The following ATP13A2 variants were observed in gnomAD, a reference collection of about 807,000 sequenced individuals.
ATP13A2 encodes ATPase cation transporting 13A2.
Under a neutral mutation model 138.3 loss-of-function variants are expected in ATP13A2, and 83 were observed. That is an observed-to-expected ratio of 0.60 (90% CI 0.50 to 0.72). The LOEUF is 0.72. Ranked by LOEUF, ATP13A2 falls within the 30% of genes least tolerant of loss-of-function variation. The pLI, the probability that ATP13A2 is intolerant of heterozygous loss-of-function variation, is 0.00. For missense variants in ATP13A2, 1,402 were observed against 1,606.4 expected, an observed-to-expected ratio of 0.87 and a Z score of 2.17; for synonymous variants, 663 against 699.0, an observed-to-expected ratio of 0.95 and a Z score of 0.81.
rs201661480 is a variant in ATP13A2 at position 16,997,045 on chromosome 1, G to T, written c.1170C>A (p.His390Gln). 1.2e-6 allele frequency: 2 copies of T among 1,612,860 alleles called. No individual in the cohort carries two copies. ...CTGTGCGGGTCACCACTGCCAGGAC[G>T]TGCGGTCCCACATAGGCCCGGGCCT... The part of the protein sequence containing the change: ...ILQARAYVGP[H>Q]VLAVVTRTGF... Residue 390 changes from histidine (H) to glutamine (Q), a missense_variant, in exon 12 of 29, where the codon CAC becomes CAA. Coordinates refer to ENST00000326735, the MANE Select transcript of ATP13A2 (RefSeq NM_022089.4).
chr1:17,009,954 CCCAG>C (rs1213992253), intron 1 of ATP13A2, among the ~76,000 whole-genome samples: 1 of 152,162 alleles, frequency 6.6e-6, no homozygotes, highest in Non-Finnish European at 1.5e-5. Context: ...TCTGTTTATC[CCCAG>C]CCACAGCCCA....
In ATP13A2 at chr1:16,995,763, C is replaced by T. The variant is rs988056034; in HGVS notation, c.1542+213G>A. On this transcript the variant is annotated intron_variant, in intron 15 of 28. Transcript: ENST00000326735. The surrounding 1 kb of genome is among the most constrained non-coding windows in gnomAD (Gnocchi z 4.1). ...GCCCGGCCCCCCACCAGTTCTTGAA[C>T]ACATGAATACATGATTCTAGACATT... 3.1e-5 allele frequency: 22 copies of T among 704,740 alleles called. No individual in the cohort carries two copies. In the African/African-American group the frequency reaches 3.8e-4, roughly 12 times the overall value. The allele number at this position is 704,740 out of a possible 1,614,324, so 43.7% of individuals were successfully genotyped here. A position where few individuals can be genotyped will look rare whatever the true frequency, so the allele number is the denominator to read the frequency against.
rs2077014012 is a variant in ATP13A2, at chr1:16,993,675, G to A, written c.1703C>T (p.Pro568Leu). The change falls in exon 16 of 29, where the codon CCC (proline) becomes CTC (leucine). Residue 568 changes from proline to leucine, a missense_variant. Physicochemically the swap from Pro to Leu is moderately conservative, Grantham distance 98. Transcript: ENST00000326735. ...CHALSRLQDT[P>L]VGDPMDLKMV... is the part of the protein sequence containing the mutation. Reference sequence around the variant, plus strand: ...CTTCAAGTCCATGGGGTCGCCCACGGGGGTGTCCTGGAGCCGGCTGAGGGC... The same window carrying A: ...CTTCAAGTCCATGGGGTCGCCCACGAGGGTGTCCTGGAGCCGGCTGAGGGC... 1 of 1,596,570 alleles carries A rather than the reference G, an allele frequency of 6.3e-7. No individual in the cohort carries two copies. The highest frequency in any genetic ancestry group is 2.3e-5 in the East Asian group (1 of 44,260).
chr1:17,002,261 G>A, intron 7 of ATP13A2, 35 bp downstream of exon 7: 1 of 1,607,408 alleles, frequency 6.2e-7, no homozygotes, highest in Non-Finnish European at 8.5e-7. Flanking sequence ...AGGAGCCCCA[G>A]TTCTCAGGGC....
At chr1:16,991,075 G>A (rs531123341) in intron 20 of ATP13A2, among the ~76,000 whole-genome samples, 4 of 152,024 alleles carry the variant, frequency 2.6e-5, no homozygotes, top group African/African-American at 9.6e-5. Context: ...TCAGCCTCCC[G>A]AGTAGCTGGG....
At position 16,986,273 on chromosome 1, in the gene ATP13A2, C is replaced by A. The variant is rs777771033; in HGVS notation, c.3491G>T (p.Arg1164Leu). Residue 1164 changes from arginine to leucine, a missense_variant, in exon 29 of 29, where the codon CGA becomes CTA. By Grantham distance (102) the Arg-to-Leu change is moderately radical. Coordinates refer to ENST00000326735, the MANE Select transcript of ATP13A2 (RefSeq NM_022089.4). The surrounding 1 kb of genome is among the most constrained non-coding windows in gnomAD (Gnocchi z 6.9). Reference protein sequence around the residue: ...ASKKRFKQLERELAEQPWPPL... With the variant: ...ASKKRFKQLELELAEQPWPPL... ...CGGCCAGGGCTGCTCGGCCAGCTCTCGTTCCAGCTGCTTGAAGCGCTTCTT... is the reference window on the plus strand; with the variant it reads ...CGGCCAGGGCTGCTCGGCCAGCTCTAGTTCCAGCTGCTTGAAGCGCTTCTT... 1 of 1,606,218 alleles carries A rather than the reference C, an allele frequency of 6.2e-7. No homozygotes were observed. The highest frequency in any genetic ancestry group is 8.5e-7 in the Non-Finnish European group (1 of 1,177,224).
intron 25 of ATP13A2, among the ~76,000 whole-genome samples, 200 bp downstream of exon 25, chr1:16,987,938 T>G (rs2076793433): frequency 6.6e-6 from 1 of 152,078 alleles, no homozygotes; most frequent in Non-Finnish European, 1.5e-5. Context: ...GAGGACCTAG[T>G]GGGTACCAGG....
In ATP13A2 at chr1:16,992,380, C is replaced by T. The variant is rs1440981970; in HGVS notation, c.1868G>A (p.Ser623Asn). The T allele has an allele frequency of 7.4e-6, 12 of 1,613,546 alleles. No homozygotes were observed. Among genetic ancestry groups the T allele is most frequent in the Non-Finnish European group, 1.0e-5 (12 of 1,179,948 alleles). Residue 623 changes from serine to asparagine, a missense_variant, in exon 18 of 29, where the codon AGC (serine) becomes AAC (asparagine). Physicochemically the swap from Ser to Asn is conservative, Grantham distance 46 (BLOSUM62 1). Coordinates refer to ENST00000326735, the MANE Select transcript of ATP13A2 (RefSeq NM_022089.4). The part of the protein sequence containing the change: ...QAMEEPPVPV[S>N]VLHRFPFSSA... Reference sequence around the variant, plus strand: ...AGAGAAGGGGAAGCGGTGGAGGACGCTGACTGGCACCGGGGGCTCCTCCTG... The same window carrying T: ...AGAGAAGGGGAAGCGGTGGAGGACGTTGACTGGCACCGGGGGCTCCTCCTG...
intron 1 of ATP13A2, among the ~76,000 whole-genome samples, chr1:17,005,985 ATTAGCCGGGCGTGGCAGCGCGTGCCTG>A (rs968182700): frequency 1.3e-5 from 2 of 152,102 alleles, no homozygotes; most frequent in African/African-American, 4.8e-5. Flanking sequence ...AATAAAAAAA[ATTAGCCGGGCGTGGCAGCGCGTGCCTG>A]TAATCTCAGC....
chr1:17,002,502 G>A (rs994870554), intron 6 of ATP13A2, 129 bp from the exon 7 acceptor site: 11 of 1,108,158 alleles, frequency 9.9e-6, no homozygotes, highest in African/African-American at 3.1e-5. Flanking sequence ...GCTCCTGGGA[G>A]CAAGTAAGCC....
At chr1:16,988,923 C>T (rs967914463) in intron 23 of ATP13A2, among the ~76,000 whole-genome samples, 2 of 151,002 alleles carry the variant, frequency 1.3e-5, no homozygotes, top group South Asian at 2.1e-4. Flanking sequence ...CATGAGCCAC[C>T]GTGCCCGGCC....
At chr1:16,994,608 G>A (rs1218439695) in intron 15 of ATP13A2, among the ~76,000 whole-genome samples, 3 of 152,144 alleles carry the variant, frequency 2.0e-5, no homozygotes, top group Middle Eastern at 3.4e-3. Context: ...CCAAGTACGC[G>A]TCTGGCTCCT....
At chr1:16,993,862 C>T (rs565178445) in intron 15 of ATP13A2, 27 bp from the exon 16 acceptor site, 59 of 1,528,570 alleles carry the variant, frequency 3.9e-5, no homozygotes, top group Middle Eastern at 2.0e-4. Flanking sequence ...GGTGGGGCAG[C>T]GATGAGTCCT....
rs144207331 is a variant in ATP13A2 at position 16,999,496 on chromosome 1, G to A, written c.1039+515C>T. On this transcript the variant is annotated intron_variant, in intron 11 of 28. Transcript: ENST00000326735. ...CTTTGCACAACTCTGTCCAGGAGGAGTGACTGACAGCCATCTTACAGAAGA... is the reference window on the plus strand; with the variant it reads ...CTTTGCACAACTCTGTCCAGGAGGAATGACTGACAGCCATCTTACAGAAGA... Among the ~76,000 whole-genome samples the A allele has an allele frequency of 1.1e-4, 16 of 152,074 alleles. No individual in the cohort carries two copies. The East Asian group carries it at 3.1e-3, about 29-fold the overall frequency.
In ATP13A2 at chr1:16,993,813, C is replaced by T; in HGVS notation, c.1565G>A (p.Gly522Asp). ...GGGCACCACCCCCATCACGTCTAAG[C>T]CGTCCTCAGTGAGGGTGCCCGTCTG... Reference protein sequence around the residue: ...FDKTGTLTEDGLDVMGVVPLK... With the variant: ...FDKTGTLTEDDLDVMGVVPLK... Residue 522 changes from glycine (G) to aspartate (D), a missense_variant, in exon 16 of 29, where the codon GGC becomes GAC. Coordinates refer to ENST00000326735, the MANE Select transcript of ATP13A2 (RefSeq NM_022089.4). The T allele has an allele frequency of 6.4e-7, 1 of 1,571,980 alleles. No individual in the cohort carries two copies. The highest frequency in any genetic ancestry group is 1.4e-5 in the African/African-American group (1 of 74,020).
rs781539788 is a variant in ATP13A2 at position 17,005,063 on chromosome 1, A to T, written c.298T>A (p.Trp100Arg). 1 of 1,614,038 alleles carries T rather than the reference A, an allele frequency of 6.2e-7. No individual in the cohort carries two copies. The highest frequency in any genetic ancestry group is 1.3e-5 in the African/African-American group (1 of 74,916). ...TGCACCTGGACAGTGAAGAGCTGCC[A>T]GGAACTATCCTGGAACACAGAGGTA... Reference protein sequence around the residue: ...IEIRDKEDSSWQLFTVQVQTE... With the variant: ...IEIRDKEDSSRQLFTVQVQTE... Residue 100 changes from tryptophan to arginine, a missense_variant, in exon 4 of 29, where the codon TGG (tryptophan) becomes AGG (arginine). By Grantham distance (101) the Trp-to-Arg change is moderately radical (BLOSUM62 -3). Coordinates refer to ENST00000326735, the MANE Select transcript of ATP13A2 (RefSeq NM_022089.4).
At position 16,997,232 on chromosome 1, in the gene ATP13A2, C is replaced by G. The variant is rs538500645; in HGVS notation, c.1040-57G>C. Reference sequence around the variant, plus strand: ...ACACCCCTCCCTCCCACCAGCAAACCAGGAGTTCTGTGTAGAATTGTCCCA... The same window carrying G: ...ACACCCCTCCCTCCCACCAGCAAACGAGGAGTTCTGTGTAGAATTGTCCCA... On this transcript the variant is annotated intron_variant, in intron 11 of 28. Transcript: ENST00000326735. 1.9e-6 allele frequency: 3 copies of G among 1,605,478 alleles called. No individual in the cohort carries two copies. In the Admixed American group the frequency reaches 5.0e-5, roughly 27 times the overall value.
In ATP13A2 at chr1:16,987,144, C is replaced by T. The variant is rs373511503; in HGVS notation, c.2985G>A (p.Ala995=). 9.3e-6 allele frequency: 15 copies of T among 1,612,882 alleles called. No homozygotes were observed. Among genetic ancestry groups the T allele is most frequent in the Middle Eastern group, 1.7e-4 (1 of 6,006 alleles). Reference sequence around the variant, plus strand: ...TGCTGAGCACGGGCACGCTGAGCAGCGCCCCCGGTGGCCGCACCCGTCCCA... The same window carrying T: ...TGCTGAGCACGGGCACGCTGAGCAGTGCCCCCGGTGGCCGCACCCGTCCCA... ...LVLGRVRPPG[A]LLSVPVLSSL... is the part of the protein sequence containing the mutation. The change falls in exon 26 of 29, where the codon GCG becomes GCA. Residue 995 remains alanine, a synonymous_variant. Coordinates refer to ENST00000326735, the MANE Select transcript of ATP13A2 (RefSeq NM_022089.4).
At chr1:16,987,290 C>T (rs2076771586) in intron 25 of ATP13A2, 21 bp from the exon 26 acceptor site, 1 of 1,611,738 alleles carries the variant, frequency 6.2e-7, no homozygotes, top group Non-Finnish European at 8.5e-7. Flanking sequence ...GAAGGGAGGA[C>T]AGAGGGGAAA....
Sources: gnomAD v4.1 joint callset for allele counts (sites outside exome capture counted in the v4.1 genomes callset) on GRCh38, gnomAD v4.1.1 for gene constraint, Gnocchi (gnomAD v3.1) non-coding constraint, MANE v1.5 for transcripts, NCBI Gene and HGNC (gene_info 2026-07-23, HGNC 2026-07-21) for gene names.